Variants in SLC14A2 observed in about 807,000 individuals in gnomAD.
SLC14A2 encodes the protein solute carrier family 14 member 2.
A neutral mutation model predicts 104.6 loss-of-function variants in SLC14A2; 91 were observed. The observed-to-expected ratio is 0.87, with a 90% CI of 0.73 to 1.04. The LOEUF is 1.04. SLC14A2 is among the 50% of genes least tolerant of loss of function. The pLI, the probability that SLC14A2 is intolerant of heterozygous loss-of-function variation, is 0.00. For synonymous variants in SLC14A2, 476 were observed against 466.4 expected (o/e 1.02, Z -0.27); for missense variants, 1,189 against 1,156.0 (o/e 1.03, Z -0.41).
chr18:45,442,874 A>G (rs184876079), intron 1 of SLC14A2, among the ~76,000 whole-genome samples: 17 of 152,322 alleles, frequency 1.1e-4, no homozygotes, highest in South Asian at 8.3e-4. Context: ...TCCTGTATAC[A>G]TCAACCATAT....
the SLC14A2 span, among the ~76,000 whole-genome samples, chr18:45,198,443 T>C: frequency 8.5e-5 from 13 of 152,166 alleles, no homozygotes; most frequent in Admixed American, 3.9e-4. Context: ...CTATTATAAT[T>C]ATTAAGGATT....
chr18:45,280,092 C>A (rs974405302), intron 1 of SLC14A2, among the ~76,000 whole-genome samples: 1 of 152,144 alleles, frequency 6.6e-6, no homozygotes, highest in South Asian at 2.1e-4. Flanking sequence ...ATTTGTGCTG[C>A]GTACTGTTCA....
At chr18:45,518,926 G>A (rs1488669455) in intron 2 of SLC14A2, among the ~76,000 whole-genome samples, 3 of 152,186 alleles carry the variant, frequency 2.0e-5, no homozygotes, top group Non-Finnish European at 1.5e-5. Flanking sequence ...TGGTTAAGCT[G>A]AGAGCCCCAG....
the SLC14A2 span, among the ~76,000 whole-genome samples, chr18:45,186,924 G>A: frequency 1.6e-4 from 24 of 152,070 alleles, no homozygotes; most frequent in Non-Finnish European, 3.1e-4. Flanking sequence ...GTCTCCTGCA[G>A]CTGAAACATC....
intron 1 of SLC14A2, among the ~76,000 whole-genome samples, chr18:45,335,361 T>G (rs1417855157): frequency 1.3e-5 from 2 of 152,264 alleles, no homozygotes; most frequent in Non-Finnish European, 2.9e-5. Flanking sequence ...GAGATACATC[T>G]AAGTTGTTGT....
intron 1 of SLC14A2, among the ~76,000 whole-genome samples, chr18:45,467,150 A>G (rs563021676): frequency 2.0e-5 from 3 of 152,140 alleles, no homozygotes; most frequent in South Asian, 2.1e-4. Context: ...AGAAGTCACC[A>G]ACAGAAAGGG....
chr18:45,604,196 T>C (rs2044831505), intron 2 of SLC14A2, among the ~76,000 whole-genome samples: 1 of 152,144 alleles, frequency 6.6e-6, no homozygotes, highest in Non-Finnish European at 1.5e-5. Context: ...GGTAAACAAA[T>C]TACTTCAAGA....
At chr18:45,616,322 G>A (rs2045071454) in intron 1 of SLC14A2, among the ~76,000 whole-genome samples, 1 of 152,102 alleles carries the variant, frequency 6.6e-6, no homozygotes, top group African/African-American at 2.4e-5. Context: ...AGTTGCATTT[G>A]ACTATTTTAT....
intron 1 of SLC14A2, among the ~76,000 whole-genome samples, chr18:45,406,559 GT>G (rs200576784): frequency 2.6e-5 from 4 of 151,474 alleles, no homozygotes; most frequent in East Asian, 1.9e-4. Context: ...TCTCCAGAAG[GT>G]TTTTTTTTAC....
At chr18:45,588,535 A>G (rs1180218963) in intron 2 of SLC14A2, among the ~76,000 whole-genome samples, 2 of 152,192 alleles carry the variant, frequency 1.3e-5, no homozygotes, top group Non-Finnish European at 2.9e-5. Context: ...TGTGACATCC[A>G]TCGGCCCTGT....
chr18:45,323,404 C>T (rs964614896), intron 1 of SLC14A2, among the ~76,000 whole-genome samples: 1 of 152,290 alleles, frequency 6.6e-6, no homozygotes, highest in South Asian at 2.1e-4. Context: ...GCTATATCCT[C>T]CCTGAAAGTA....
chr18:45,552,168 G>A (rs751590114), intron 2 of SLC14A2, among the ~76,000 whole-genome samples: 66 of 152,156 alleles, frequency 4.3e-4, no homozygotes, highest in Non-Finnish European at 7.4e-4. Flanking sequence ...AAAGATACAA[G>A]GGACACAGGA....
chr18:45,273,792 C>T lies in SLC14A2; in HGVS notation c.-125+60601C>T, dbSNP rs767367707. ...TTTGGGTGACACAAAATTCTCTTCT[C>T]GTTTGGAAATTAAAGCTTAACTGTG... On this transcript the variant is annotated intron_variant, in intron 1 of 20. Coordinates refer to the SLC14A2 transcript ENST00000586448. Among the ~76,000 whole-genome samples, 27 of 152,052 alleles carry T rather than the reference C, an allele frequency of 1.8e-4. 1 individual carries two copies. Among genetic ancestry groups the T allele is most frequent in the South Asian group, 6.2e-4 (3 of 4,818 alleles).
At chr18:45,555,312 C>T (rs1278091375) in intron 2 of SLC14A2, among the ~76,000 whole-genome samples, 2 of 152,042 alleles carry the variant, frequency 1.3e-5, no homozygotes, top group South Asian at 2.1e-4. Flanking sequence ...ACACATGGTC[C>T]CTGACTTAAC....
rs778206843 is a variant in SLC14A2, at chr18:45,667,983, T to G, written c.1868T>G (p.Ile623Ser). ...GCGATCTCAGGCTGCCTGGGTACCA[T>G]CATGTCCACCTTGACAGCCCTCATC... is the stretch of plus-strand genomic sequence containing the variant. Reference protein sequence around the residue: ...WWAISGCLGTIMSTLTALILS... With the variant: ...WWAISGCLGTSMSTLTALILS... Residue 623 changes from isoleucine to serine, a missense_variant, in exon 14 of 20, where the codon ATC becomes AGC. Physicochemically the swap from Ile to Ser is moderately radical, Grantham distance 142. Transcript: ENST00000255226. 38 of 1,613,958 alleles carry G rather than the reference T, an allele frequency of 2.4e-5. No individual in the cohort carries two copies. Among genetic ancestry groups the G allele is most frequent in the Non-Finnish European group, 3.0e-5 (35 of 1,180,006 alleles).
Position 45,682,460 on chromosome 18 carries a change from C to T in SLC14A2, c.2704C>T (p.Gln902Ter), listed in dbSNP as rs368750242. 8.7e-6 allele frequency: 14 copies of T among 1,614,054 alleles called. No individual in the cohort carries two copies. In the Admixed American group the frequency reaches 1.2e-4, roughly 13 times the overall value. Residue 902 changes from glutamine (Q) to a stop codon, truncating the protein, a stop_gained, in exon 20 of 20, where the codon CAG (glutamine) becomes TAG (stop). Coordinates refer to ENST00000255226, the MANE Select transcript of SLC14A2 (RefSeq NM_007163.4). LOFTEE classifies it high-confidence loss of function. ...GGCCAACCGCATCTACTACCTGTCCCAGGAGAGAAACAGAAGGGCATCAAT... is the reference window on the plus strand; with the variant it reads ...GGCCAACCGCATCTACTACCTGTCCTAGGAGAGAAACAGAAGGGCATCAAT... ...PEANRIYYLS[Q>*]ERNRRASIIT...
chr18:45,504,658 G>C (rs1466665444), intron 2 of SLC14A2, among the ~76,000 whole-genome samples: 1 of 152,212 alleles, frequency 6.6e-6, no homozygotes, highest in Non-Finnish European at 1.5e-5. Context: ...AAATATTTGA[G>C]TTACACATCT....
At chr18:45,630,880 T>A (rs1380549756) in intron 4 of SLC14A2, among the ~76,000 whole-genome samples, 3 of 152,162 alleles carry the variant, frequency 2.0e-5, no homozygotes, top group African/African-American at 7.2e-5. Context: ...TGTCCACACA[T>A]GTGCCTTGTG....
chr18:45,336,769 C>G (rs2085341875), intron 1 of SLC14A2, among the ~76,000 whole-genome samples: 1 of 152,204 alleles, frequency 6.6e-6, no homozygotes, highest in African/African-American at 2.4e-5. Flanking sequence ...ATCACCAAAA[C>G]TAAATCTACA....
Sources: gnomAD v4.1 joint callset for allele counts (sites outside exome capture counted in the v4.1 genomes callset) on GRCh38, gnomAD v4.1.1 for gene constraint, MANE v1.5 for transcripts, NCBI Gene and HGNC (gene_info 2026-07-23, HGNC 2026-07-21) for gene names.